RCOR1: variants seen among roughly 807,000 people sequenced by gnomAD.
RCOR1 encodes the protein REST corepressor 1, also known as REST corepressor.
A neutral mutation model predicts 64.0 loss-of-function variants in RCOR1; 12 were observed. The ratio of observed to expected loss-of-function variants is 0.19; its 90% confidence interval spans 0.12 to 0.30. The LOEUF is 0.30. RCOR1 is among the 10% of genes least tolerant of loss of function. RCOR1 has a pLI of 1.00. For synonymous variants in RCOR1, 279 were observed against 227.2 expected, an observed-to-expected ratio of 1.23 and a Z score of -2.05; for missense variants, 502 against 621.2, an observed-to-expected ratio of 0.81 and a Z score of 2.04.
intron 8 of RCOR1, 153 bp from the exon 9 acceptor site, chr14:102,720,854 C>G (rs1896156622): frequency 5.6e-6 from 3 of 531,888 alleles, no homozygotes; most frequent in Non-Finnish European, 1.0e-5. Flanking sequence ...TTAGATGCTT[C>G]AAAGGATACC....
intron 3 of RCOR1, among the ~76,000 whole-genome samples, chr14:102,693,880 G>T (rs1357398462): frequency 1.3e-5 from 2 of 151,752 alleles, no homozygotes; most frequent in African/African-American, 4.8e-5. Flanking sequence ...CTTAAGAAAT[G>T]GGGGTTCACT....
chr14:102,632,312 G>A (rs1894130474), intron 2 of RCOR1, among the ~76,000 whole-genome samples: 1 of 150,708 alleles, frequency 6.6e-6, no homozygotes. Flanking sequence ...CGCATCCTGG[G>A]TTCACGCCAT....
intron 2 of RCOR1, among the ~76,000 whole-genome samples, chr14:102,669,785 C>T (rs1035727456): frequency 6.6e-6 from 1 of 152,162 alleles, no homozygotes; most frequent in Non-Finnish European, 1.5e-5. Flanking sequence ...TATACTCTTG[C>T]CATTCCCTTT....
At chr14:102,648,859 G>A (rs184321180) in intron 2 of RCOR1, among the ~76,000 whole-genome samples, 22 of 152,236 alleles carry the variant, frequency 1.4e-4, no homozygotes, top group Admixed American at 1.2e-3. Context: ...AAGGTGAAGG[G>A]AATTCTTAAA....
intron 8 of RCOR1, among the ~76,000 whole-genome samples, chr14:102,715,004 T>A (rs1357717957): frequency 2.0e-5 from 3 of 152,060 alleles, no homozygotes; most frequent in African/African-American, 7.2e-5. Flanking sequence ...CATGGAATGT[T>A]GCATTCCCTC....
chr14:102,729,311 C>A lies in RCOR1; in HGVS notation c.*2805C>A, dbSNP rs571326924. On this transcript the variant is annotated 3_prime_UTR_variant, in exon 12 of 12. Transcript: ENST00000262241. Reference sequence around the variant, plus strand: ...TTTTTTTCACTTATCCATTTAAACACCTTGTTACTTGAATATTGTGTTGAC... The same window carrying A: ...TTTTTTTCACTTATCCATTTAAACAACTTGTTACTTGAATATTGTGTTGAC... The A allele has an allele frequency of 6.5e-6, 1 of 152,694 alleles. No individual in the cohort carries two copies. Among genetic ancestry groups the A allele is most frequent in the South Asian group, 2.1e-4 (1 of 4,824 alleles). The allele number at this position is 152,694 out of a possible 1,614,324, so 9.5% of individuals were successfully genotyped here.
Position 102,730,216 on chromosome 14 carries a change from C to T in RCOR1, c.*3710C>T, listed in dbSNP as rs1179401678. The stretch of plus-strand genomic sequence containing the variant: ...ACTTTGCTAAGTGCTTTTTAGACAG[C>T]TTAAAAAATTTTCAAGATTTTAAAA... On this transcript the variant is annotated 3_prime_UTR_variant, in exon 12 of 12. Transcript: ENST00000262241. 7.6e-6 allele frequency: 3 copies of T among 392,454 alleles called. No homozygotes were observed. The highest frequency in any genetic ancestry group is 6.2e-5 in the African/African-American group (3 of 48,490). The allele number at this position is 392,454 out of a possible 1,614,324, so 24.3% of individuals were successfully genotyped here. A position where few individuals can be genotyped will look rare whatever the true frequency, so the allele number is the denominator to read the frequency against.
At chr14:102,657,389 G>T in intron 2 of RCOR1, 1 of 985,228 alleles carries the variant, frequency 1.0e-6, no homozygotes, top group Non-Finnish European at 1.2e-6. Flanking sequence ...CTTCTTCTTG[G>T]AGCTAATTTC....
intron 3 of RCOR1, among the ~76,000 whole-genome samples, chr14:102,683,306 G>T (rs1011545616): frequency 2.6e-5 from 4 of 152,170 alleles, no homozygotes; most frequent in African/African-American, 9.7e-5. Flanking sequence ...CAGGCCAGAG[G>T]CATAGGAGGA....
At chr14:102,677,358 C>G (rs1269010075) in intron 2 of RCOR1, among the ~76,000 whole-genome samples, 1 of 142,734 alleles carries the variant, frequency 7.0e-6, no homozygotes, top group Non-Finnish European at 1.5e-5. Flanking sequence ...CCACCTCCCT[C>G]CCGGACGGGG....
At chr14:102,683,425 C>T (rs1018393663) in intron 3 of RCOR1, among the ~76,000 whole-genome samples, 1 of 152,164 alleles carries the variant, frequency 6.6e-6, no homozygotes, top group Non-Finnish European at 1.5e-5. Flanking sequence ...GACTCCCGAG[C>T]CACGAGTCCA....
chr14:102,711,512 T>G (rs1409269551), intron 7 of RCOR1, among the ~76,000 whole-genome samples: 1 of 152,164 alleles, frequency 6.6e-6, no homozygotes, highest in Admixed American at 6.5e-5. Context: ...ACATGGTGAC[T>G]GTTTCATCTT....
intron 2 of RCOR1, among the ~76,000 whole-genome samples, chr14:102,613,471 C>G (rs1231026764): frequency 7.0e-6 from 1 of 143,638 alleles, no homozygotes. Flanking sequence ...CTCGTTCTGT[C>G]GCCCAGGCGG....
intron 2 of RCOR1, among the ~76,000 whole-genome samples, chr14:102,611,363 C>G (rs1054960339): frequency 6.6e-6 from 1 of 152,156 alleles, no homozygotes; most frequent in African/African-American, 2.4e-5. Flanking sequence ...GCCACCATGC[C>G]CGGCCTCAGC....
intron 2 of RCOR1, among the ~76,000 whole-genome samples, chr14:102,611,965 T>A (rs1325925884): frequency 6.6e-6 from 1 of 152,184 alleles, no homozygotes. Flanking sequence ...GGCTATACCA[T>A]GCCTGGTTAT....
chr14:102,698,563 C>T (rs1895690703), intron 3 of RCOR1, among the ~76,000 whole-genome samples: 1 of 152,208 alleles, frequency 6.6e-6, no homozygotes, highest in Non-Finnish European at 1.5e-5. Context: ...AAGGAAGGAA[C>T]CCTTCAAGCC....
intron 6 of RCOR1, chr14:102,710,611 A>G: frequency 4.2e-6 from 1 of 238,836 alleles, no homozygotes; most frequent in Non-Finnish European, 8.0e-6. Context: ...TTATGAGAAA[A>G]TAACATGTAA....
At chr14:102,645,459 A>G (rs1196310358) in intron 2 of RCOR1, among the ~76,000 whole-genome samples, 1 of 152,154 alleles carries the variant, frequency 6.6e-6, no homozygotes, top group Non-Finnish European at 1.5e-5. Flanking sequence ...TCCACTACTT[A>G]GACAACAGGG....
At chr14:102,676,650 C>T (rs1362333732) in intron 2 of RCOR1, among the ~76,000 whole-genome samples, 1 of 113,432 alleles carries the variant, frequency 8.8e-6, no homozygotes. Context: ...CCCCACCTCC[C>T]TCCCGGACGG....
Sources: gnomAD v4.1 joint callset for allele counts (sites outside exome capture counted in the v4.1 genomes callset) on GRCh38, gnomAD v4.1.1 for gene constraint, MANE v1.5 for transcripts, NCBI Gene and HGNC (gene_info 2026-07-23, HGNC 2026-07-21) for gene names.